Variants in MAK16 observed in about 807,000 individuals in gnomAD.
MAK16 encodes the protein protein MAK16 homolog.
A neutral mutation model predicts 49.9 loss-of-function variants in MAK16; 12 were observed. That is an observed-to-expected ratio of 0.24 (90% CI 0.15 to 0.39). The LOEUF (loss-of-function observed/expected upper bound fraction) is 0.39. Among genes scored for constraint, MAK16 ranks in the 10% least tolerant of loss-of-function variants. MAK16 has a pLI of 1.00. For synonymous variants in MAK16, 115 were observed against 126.4 expected, an observed-to-expected ratio of 0.91 and a Z score of 0.60; for missense variants, 292 against 363.7, an observed-to-expected ratio of 0.80 and a Z score of 1.60.
intron 6 of MAK16, among the ~76,000 whole-genome samples, chr8:33,491,008 T>C (rs1007181729): frequency 6.6e-5 from 10 of 152,196 alleles, no homozygotes; most frequent in Admixed American, 5.9e-4. Context: ...GATTTTTTGA[T>C]CCCACAAATA....
Position 33,497,283 on chromosome 8 carries a change from A to G in MAK16, c.691A>G (p.Ile231Val), listed in dbSNP as rs751344452. ...VEDGEVDESD[I>V]SDFEDMDKLD... is the part of the protein sequence containing the mutation. ...AGATGGTGAGGTAGATGAGAGTGAC[A>G]TAAGTGATTTTGAGGTGAGCTTTAT... The change falls in exon 9 of 10, where the codon ATA becomes GTA. Residue 231 changes from isoleucine (I) to valine (V), a missense_variant. Coordinates refer to ENST00000360128, the MANE Select transcript of MAK16 (RefSeq NM_032509.4). 6.2e-7 allele frequency: 1 copy of G among 1,610,286 alleles called. No individual in the cohort carries two copies. The highest frequency in any genetic ancestry group is 8.5e-7 in the Non-Finnish European group (1 of 1,177,598).
At chr8:33,488,666 C>CA (rs770161028) in intron 3 of MAK16, 37 bp downstream of exon 3, 1 of 1,611,506 alleles carries the variant, frequency 6.2e-7, no homozygotes, top group South Asian at 1.1e-5. Flanking sequence ...AGAACTGCTC[C>CA]ACAGCTTTTA....
At position 33,499,998 on chromosome 8, in the gene MAK16, C is replaced by CT. The variant is rs368790113; in HGVS notation, c.*1380dup. 5.2e-3 allele frequency: 877 copies of CT among 169,856 alleles called. No homozygotes were observed. The highest frequency in any genetic ancestry group is 0.013 in the Middle Eastern group (5 of 388). The allele number at this position is 169,856 out of a possible 1,614,324, so 10.5% of individuals were successfully genotyped here. ...GGGAGCTTATAGCCCATTATTTTTACTTTTTTTTTTTAATTCAGAAGACTA... is the reference window on the plus strand; with the variant it reads ...GGGAGCTTATAGCCCATTATTTTTACTTTTTTTTTTTTAATTCAGAAGACTA... On this transcript the variant is annotated 3_prime_UTR_variant, in exon 10 of 10. Coordinates refer to ENST00000360128, the MANE Select transcript of MAK16 (RefSeq NM_032509.4).
At chr8:33,497,505 T>G (rs945210414) in intron 9 of MAK16, among the ~76,000 whole-genome samples, 2 of 151,698 alleles carry the variant, frequency 1.3e-5, no homozygotes, top group African/African-American at 4.8e-5. Context: ...AAAAAATTTT[T>G]TTTTTTAGAT....
chr8:33,485,860 C>T (rs1808679143), intron 1 of MAK16, among the ~76,000 whole-genome samples: 1 of 152,166 alleles, frequency 6.6e-6, no homozygotes. Flanking sequence ...AACAATTACA[C>T]TATATAATCA....
intron 7 of MAK16, 148 bp from the exon 8 acceptor site, chr8:33,496,477 C>A: frequency 1.9e-6 from 1 of 524,384 alleles, no homozygotes; most frequent in Non-Finnish European, 3.3e-6. Context: ...TTTTAAGACA[C>A]TGCTGGCTCT....
At chr8:33,490,724 G>A (rs1053270508) in intron 6 of MAK16, among the ~76,000 whole-genome samples, 5 of 152,178 alleles carry the variant, frequency 3.3e-5, no homozygotes, top group African/African-American at 4.8e-5. Context: ...GGCATGCAGT[G>A]AGTAATAACA....
In MAK16 at chr8:33,498,671, C is replaced by CTTT. The variant is rs750940623; in HGVS notation, c.*43_*44insTTT. 39 of 1,155,478 alleles carry CTTT rather than the reference C, an allele frequency of 3.4e-5. No individual in the cohort carries two copies. The highest frequency in any genetic ancestry group is 4.2e-5 in the Non-Finnish European group (35 of 825,680). 71.6% of individuals were successfully genotyped at this position (1,155,478 alleles called of 1,614,324 possible). A position where few individuals can be genotyped will look rare whatever the true frequency, so the allele number is the denominator to read the frequency against. Reference sequence around the variant, plus strand: ...TATACCCAGGACTGAACATGCAGAACTGTTTTTTTTTTTTTTTTATCTTAA... The same window carrying CTTT: ...TATACCCAGGACTGAACATGCAGAACTTTTGTTTTTTTTTTTTTTTTATCTTAA... On this transcript the variant is annotated 3_prime_UTR_variant, in exon 10 of 10. Transcript: ENST00000360128.
At chr8:33,496,483 G>T in intron 7 of MAK16, 142 bp from the exon 8 acceptor site, 1 of 559,446 alleles carries the variant, frequency 1.8e-6, no homozygotes, top group Non-Finnish European at 3.1e-6. Flanking sequence ...GACACTGCTG[G>T]CTCTACACTT....
At chr8:33,494,113 G>A (rs370901202) in intron 6 of MAK16, among the ~76,000 whole-genome samples, 32 of 152,176 alleles carry the variant, frequency 2.1e-4, no homozygotes, top group Non-Finnish European at 3.7e-4. Context: ...TTGCTCTGTC[G>A]CCCAGGCTGG....
chr8:33,500,824 T>C lies in MAK16; in HGVS notation c.*2195T>C. ...CCCAACCAAGGGCCTATACTTTTAT[T>C]TTTCAACTCTATTAACTGAACTATG... On this transcript the variant is annotated 3_prime_UTR_variant, in exon 10 of 10. Transcript: ENST00000360128. 1 of 232,526 alleles carries C rather than the reference T, an allele frequency of 4.3e-6. No homozygotes were observed. The highest frequency in any genetic ancestry group is 8.5e-6 in the Non-Finnish European group (1 of 117,170). 14.4% of individuals were successfully genotyped at this position (232,526 alleles called of 1,614,324 possible).
Position 33,498,412 on chromosome 8 carries a change from C to T in MAK16, c.706-20C>T, listed in dbSNP as rs200177818. ...TCTAGTGTTTTCCCTCTTCCTTTAT[C>T]TTTTCTCTCCCCGTAATAGGATATG... On this transcript the variant is annotated intron_variant, in intron 9 of 9. Coordinates refer to ENST00000360128, the MANE Select transcript of MAK16 (RefSeq NM_032509.4). 9.3e-5 allele frequency: 149 copies of T among 1,610,296 alleles called. No individual in the cohort carries two copies. Among genetic ancestry groups the T allele is most frequent in the Non-Finnish European group, 1.1e-4 (132 of 1,177,982 alleles).
Position 33,489,417 on chromosome 8 carries a change from C to A in MAK16, c.392+278C>A. 3.2e-6 allele frequency: 1 copy of A among 315,436 alleles called. No individual in the cohort carries two copies. 19.5% of individuals were successfully genotyped at this position (315,436 alleles called of 1,614,324 possible). A position where few individuals can be genotyped will look rare whatever the true frequency, so the allele number is the denominator to read the frequency against. ...TAAGACGGAGTCTCACTCTGTCGCC[C>A]AGGCTGGAATTTGCAGTGGCGCGAC... On this transcript the variant is annotated intron_variant, in intron 5 of 9. Transcript: ENST00000360128. This position sits in a 1 kb window ranked among gnomAD's most constrained non-coding sequence, Gnocchi z 4.2.
rs554026888 is a variant in MAK16, at chr8:33,491,627, CTT to C, written c.447+1311_447+1312del. On this transcript the variant is annotated intron_variant, in intron 6 of 9. Transcript: ENST00000360128. ...TTGCCTCCCCAATCCCTGCCCCCTGCTTTTTTTTTTTTTTTTTTTTTTTTGAG... is the reference window on the plus strand; with the variant it reads ...TTGCCTCCCCAATCCCTGCCCCCTGCTTTTTTTTTTTTTTTTTTTTTTGAG... Among the ~76,000 whole-genome samples, 443 of 89,818 alleles carry C rather than the reference CTT, an allele frequency of 4.9e-3. 1 individual carries two copies. The highest frequency in any genetic ancestry group is 0.021 in the African/African-American group (425 of 20,444). The allele number at this position is 89,818 out of a possible 152,430, so 58.9% of individuals were successfully genotyped here.
chr8:33,488,452 C>A (rs1406223175), intron 2 of MAK16, 25 bp downstream of exon 2: 1 of 1,614,044 alleles, frequency 6.2e-7, no homozygotes. Context: ...ACAACTTGGT[C>A]AAAGATTCCT....
At chr8:33,492,708 G>A (rs184767795) in intron 6 of MAK16, among the ~76,000 whole-genome samples, 68 of 152,204 alleles carry the variant, frequency 4.5e-4, no homozygotes, top group African/African-American at 1.5e-3. Context: ...TTCACTGTAC[G>A]TGTGTGGAAT....
chr8:33,500,185 C>A lies in MAK16; in HGVS notation c.*1556C>A. 1 of 848,094 alleles carries A rather than the reference C, an allele frequency of 1.2e-6. No individual in the cohort carries two copies. Among genetic ancestry groups the A allele is most frequent in the Non-Finnish European group, 1.8e-6 (1 of 544,184 alleles). 52.5% of individuals were successfully genotyped at this position (848,094 alleles called of 1,614,324 possible). A position where few individuals can be genotyped will look rare whatever the true frequency, so the allele number is the denominator to read the frequency against. ...GAAAAAAGATCAAGCTCTTTTGAGG[C>A]TAGAGGGCTCATATGGAGATCTAAA... On this transcript the variant is annotated 3_prime_UTR_variant, in exon 10 of 10. Coordinates refer to ENST00000360128, the MANE Select transcript of MAK16 (RefSeq NM_032509.4).
intron 1 of MAK16, among the ~76,000 whole-genome samples, chr8:33,487,871 A>G (rs905721121): frequency 6.6e-6 from 1 of 152,212 alleles, no homozygotes; most frequent in African/African-American, 2.4e-5. Context: ...TAATGGAGTT[A>G]TGATTATTGC....
intron 5 of MAK16, among the ~76,000 whole-genome samples, chr8:33,490,077 T>C (rs1295112488): frequency 6.6e-6 from 1 of 152,182 alleles, no homozygotes; most frequent in African/African-American, 2.4e-5. Context: ...TATCTTGCTG[T>C]ATTGAGCTGA....
Sources: gnomAD v4.1 joint callset for allele counts (sites outside exome capture counted in the v4.1 genomes callset) on GRCh38, gnomAD v4.1.1 for gene constraint, Gnocchi (gnomAD v3.1) non-coding constraint, MANE v1.5 for transcripts, NCBI Gene and HGNC (gene_info 2026-07-23, HGNC 2026-07-21) for gene names.